Variants in TENM3 observed in about 807,000 individuals in gnomAD.
TENM3 encodes teneurin transmembrane protein 3.
TENM3 carries 63 observed loss-of-function variants against 255.1 expected under a neutral mutation model. The ratio of observed to expected loss-of-function variants is 0.25; its 90% CI spans 0.20 to 0.30. TENM3 has a LOEUF of 0.30. Ranked by LOEUF, TENM3 falls within the 10% of genes least tolerant of loss-of-function variation. The pLI is 1.00. For missense variants in TENM3, 2,929 were observed against 3,461.1 expected (o/e 0.85, Z 3.86); for synonymous variants, 1,306 against 1,322.3 (o/e 0.99, Z 0.27).
intron 24 of TENM3, among the ~76,000 whole-genome samples, chr4:182,784,576 C>A (rs1166610850): frequency 6.6e-6 from 1 of 151,996 alleles, no homozygotes; most frequent in African/African-American, 2.4e-5. Context: ...CTGTGGTGGG[C>A]TCCACCCAGT....
chr4:182,701,327 T>TCTC (rs1326873865), intron 12 of TENM3, among the ~76,000 whole-genome samples: 1 of 144,908 alleles, frequency 6.9e-6, no homozygotes, highest in African/African-American at 2.6e-5. Context: ...TTCAAGCAAT[T>TCTC]CTCCTGCCTC....
chr4:181,839,234 AAAG>A, the TENM3 span, among the ~76,000 whole-genome samples: 1 of 148,786 alleles, frequency 6.7e-6, no homozygotes, highest in East Asian at 2.0e-4. Context: ...AATCTATAGA[AAAG>A]AAGAATAATA....
At chr4:181,880,372 T>G in the TENM3 span, among the ~76,000 whole-genome samples, 1 of 152,152 alleles carries the variant, frequency 6.6e-6, no homozygotes, top group African/African-American at 2.4e-5. Flanking sequence ...CAATAACACA[T>G]GCAAATAATA....
At chr4:181,821,495 A>C in the TENM3 span, 2 of 152,242 alleles carry the variant, frequency 1.3e-5, no homozygotes, top group African/African-American at 4.8e-5. Context: ...GTGCTAGTGA[A>C]CACAGAGTAA....
At chr4:182,005,860 G>T in the TENM3 span, among the ~76,000 whole-genome samples, 3 of 151,874 alleles carry the variant, frequency 2.0e-5, no homozygotes. Flanking sequence ...TCCTGATTTG[G>T]CTCTCTGCTT....
the TENM3 span, among the ~76,000 whole-genome samples, chr4:181,834,540 C>G: frequency 6.6e-6 from 1 of 152,330 alleles, no homozygotes; most frequent in East Asian, 1.9e-4. Context: ...AGCTGGTATG[C>G]ACCTGCACCT....
the TENM3 span, among the ~76,000 whole-genome samples, chr4:181,745,940 A>G: frequency 6.6e-6 from 1 of 152,202 alleles, no homozygotes; most frequent in Non-Finnish European, 1.5e-5. Flanking sequence ...TGGATTTAAC[A>G]ATAGTTGGGG....
the TENM3 span, among the ~76,000 whole-genome samples, chr4:182,097,531 A>G: frequency 6.6e-6 from 1 of 152,116 alleles, no homozygotes; most frequent in Non-Finnish European, 1.5e-5. Flanking sequence ...GGTCTCTGCT[A>G]CCCTAGCCTA....
the TENM3 span, among the ~76,000 whole-genome samples, chr4:182,092,740 G>A: frequency 2.6e-5 from 4 of 152,110 alleles, no homozygotes; most frequent in African/African-American, 7.2e-5. Flanking sequence ...GGTGTTTTAG[G>A]CAATCACAAT....
chr4:182,385,267 T>TTC (rs1767835957), intron 3 of TENM3, among the ~76,000 whole-genome samples: 2 of 145,114 alleles, frequency 1.4e-5, no homozygotes, highest in Admixed American at 1.4e-4. Flanking sequence ...TGCGTCTTTT[T>TTC]TTTTTTTTTT....
At chr4:182,126,272 G>A in the TENM3 span, among the ~76,000 whole-genome samples, 10 of 152,040 alleles carry the variant, frequency 6.6e-5, no homozygotes, top group East Asian at 1.2e-3. Flanking sequence ...AAAGTCAATC[G>A]TAGATCCCAG....
the TENM3 span, among the ~76,000 whole-genome samples, chr4:181,966,878 T>C: frequency 6.6e-6 from 1 of 152,152 alleles, no homozygotes; most frequent in Non-Finnish European, 1.5e-5. Context: ...GGACCACCTA[T>C]TAGTGTATAA....
chr4:181,492,020 G>A, the TENM3 span, among the ~76,000 whole-genome samples: 6 of 152,090 alleles, frequency 3.9e-5, no homozygotes, highest in South Asian at 2.1e-4. Flanking sequence ...TTAAGCCGCC[G>A]TTTCTTCTTA....
At chr4:181,823,351 T>C in the TENM3 span, among the ~76,000 whole-genome samples, 1 of 152,266 alleles carries the variant, frequency 6.6e-6, no homozygotes, top group African/African-American at 2.4e-5. Context: ...GTTGTTATTT[T>C]GGTCTCTCTC....
the TENM3 span, among the ~76,000 whole-genome samples, chr4:181,697,244 G>A: frequency 1.3e-5 from 2 of 152,144 alleles, no homozygotes; most frequent in Non-Finnish European, 2.9e-5. Context: ...TGGAGACCAG[G>A]GAGTTCTGTG....
At chr4:182,653,209 A>G (rs1294328122) in intron 5 of TENM3, among the ~76,000 whole-genome samples, 1 of 152,180 alleles carries the variant, frequency 6.6e-6, no homozygotes, top group Non-Finnish European at 1.5e-5. Flanking sequence ...CCATTATTAA[A>G]TTGTTTGTCG....
chr4:181,766,384 G>T, the TENM3 span, among the ~76,000 whole-genome samples: 1 of 152,062 alleles, frequency 6.6e-6, no homozygotes, highest in Admixed American at 6.6e-5. Context: ...GGGGAGTAGG[G>T]GCTTAAGTAA....
the TENM3 span, among the ~76,000 whole-genome samples, chr4:181,482,548 C>T: frequency 1.3e-5 from 2 of 152,098 alleles, no homozygotes. Flanking sequence ...TCATAAATCC[C>T]TAACTGTAAG....
the TENM3 span, among the ~76,000 whole-genome samples, chr4:181,532,806 A>G: frequency 1.3e-5 from 2 of 152,090 alleles, no homozygotes; most frequent in African/African-American, 4.8e-5. Flanking sequence ...ACAATATTTA[A>G]CCTAACTCTT....
Sources: allele counts gnomAD v4.1 joint callset (sites outside exome capture counted in the v4.1 genomes callset), GRCh38; gene constraint gnomAD v4.1.1; transcripts MANE v1.5; gene names NCBI Gene and HGNC (gene_info 2026-07-23, HGNC 2026-07-21).